Variants in ATP1A1 observed in about 807,000 individuals in gnomAD.
The protein encoded by ATP1A1 is sodium/potassium-transporting ATPase subunit alpha-1.
A neutral mutation model predicts 114.8 loss-of-function variants in ATP1A1; 14 were observed. The ratio of observed to expected loss-of-function variants is 0.12; its 90% confidence interval spans 0.08 to 0.19. The LOEUF (loss-of-function observed/expected upper bound fraction) is 0.19, where lower values mean the gene tolerates loss of function less well. Ranked by LOEUF, ATP1A1 falls within the 10% of genes least tolerant of loss-of-function variation. The pLI is 1.00. For missense variants in ATP1A1, 524 were observed against 1,290.7 expected, an observed-to-expected ratio of 0.41 and a Z score of 9.10; for synonymous variants, 471 against 466.3, an observed-to-expected ratio of 1.01 and a Z score of -0.13.
intron 12 of ATP1A1, among the ~76,000 whole-genome samples, chr1:116,394,524 T>C (rs760094295): frequency 1.3e-5 from 2 of 152,154 alleles, no homozygotes; most frequent in Admixed American, 1.3e-4. Context: ...TTAAAGATCA[T>C]TGTAACGTCA....
chr1:116,393,823 T>C lies in ATP1A1; in HGVS notation c.1660+100T>C. 1 of 1,194,140 alleles carries C rather than the reference T, an allele frequency of 8.4e-7. No homozygotes were observed. Among genetic ancestry groups the C allele is most frequent in the Non-Finnish European group, 1.2e-6 (1 of 869,042 alleles). The allele number at this position is 1,194,140 out of a possible 1,614,324, so 74.0% of individuals were successfully genotyped here. ...AGTGATCCTATGAACCTCTATGTCTTGTTGACCTTCCTCTACATCTTTTAG... is the reference window on the plus strand; with the variant it reads ...AGTGATCCTATGAACCTCTATGTCTCGTTGACCTTCCTCTACATCTTTTAG... On this transcript the variant is annotated intron_variant, in intron 12 of 22. Transcript: ENST00000295598. This position sits in a 1 kb window ranked among gnomAD's most constrained non-coding sequence, Gnocchi z 5.0.
chr1:116,375,343 C>G (rs1051273292), intron 1 of ATP1A1, among the ~76,000 whole-genome samples: 2 of 152,186 alleles, frequency 1.3e-5, no homozygotes, highest in African/African-American at 2.4e-5. Flanking sequence ...GAACTCAGAA[C>G]TTCGGATGAA....
Position 116,397,226 on chromosome 1 carries a change from T to G in ATP1A1, c.1973+492T>G, listed in dbSNP as rs989197728. ...TGAAGTAAAACAGATAATAGCAAATTGGTTTTGTTTTAAGGTTTAGGGCCC... is the reference window on the plus strand; with the variant it reads ...TGAAGTAAAACAGATAATAGCAAATGGGTTTTGTTTTAAGGTTTAGGGCCC... On this transcript the variant is annotated intron_variant, in intron 14 of 22. Transcript: ENST00000295598. The surrounding 1 kb of genome is among the most constrained non-coding windows in gnomAD (Gnocchi z 4.2). Among the ~76,000 whole-genome samples, 1 of 152,308 alleles carries G rather than the reference T, an allele frequency of 6.6e-6. No individual in the cohort carries two copies. The highest frequency in any genetic ancestry group is 2.4e-5 in the African/African-American group (1 of 41,568).
chr1:116,395,050 G>C lies in ATP1A1; in HGVS notation c.1661-60G>C. ...AGGTAGGCGGGCTGAATAGGCTGCTGTTGTCCTTCTTACTGCCCAGCGTCA... is the reference window on the plus strand; with the variant it reads ...AGGTAGGCGGGCTGAATAGGCTGCTCTTGTCCTTCTTACTGCCCAGCGTCA... On this transcript the variant is annotated intron_variant, in intron 12 of 22. Coordinates refer to ENST00000295598, the MANE Select transcript of ATP1A1 (RefSeq NM_000701.8). This position sits in a 1 kb window ranked among gnomAD's most constrained non-coding sequence, Gnocchi z 6.4. 6.4e-7 allele frequency: 1 copy of C among 1,553,110 alleles called. No homozygotes were observed. Among genetic ancestry groups the C allele is most frequent in the South Asian group, 1.2e-5 (1 of 83,046 alleles).
At chr1:116,403,257 CAT>C (rs989502963) in intron 21 of ATP1A1, among the ~76,000 whole-genome samples, 1 of 152,178 alleles carries the variant, frequency 6.6e-6, no homozygotes, top group Admixed American at 6.5e-5. Flanking sequence ...TTTCTCACAC[CAT>C]AGCAGGGAGC....
chr1:116,375,654 TTG>T (rs1471325671), intron 1 of ATP1A1, among the ~76,000 whole-genome samples: 1 of 152,174 alleles, frequency 6.6e-6, no homozygotes, highest in African/African-American at 2.4e-5. Flanking sequence ...ATTAGTTTAC[TTG>T]TGTGTGTGTT....
Position 116,400,899 on chromosome 1 carries a change from G to A in ATP1A1, c.2611G>A (p.Val871Met). Residue 871 changes from valine to methionine, a missense_variant, in exon 19 of 23, where the codon GTG (valine) becomes ATG (methionine). This residue lies in a region of ATP1A1 where 84 missense variants were observed against 209.3 expected (regional missense o/e 0.40). Transcript: ENST00000295598. ...QALGGFFTYF[V>M]ILAENGFLPI... ...CCTGGGAGGCTTCTTTACTTACTTT[G>A]TGATTCTGGCTGAGAACGGCTTCCT... 6.2e-7 allele frequency: 1 copy of A among 1,614,230 alleles called. No individual in the cohort carries two copies. Among genetic ancestry groups the A allele is most frequent in the Non-Finnish European group, 8.5e-7 (1 of 1,180,052 alleles).
Position 116,395,064 on chromosome 1 carries a change from T to C in ATP1A1, c.1661-46T>C. The stretch of plus-strand genomic sequence containing the variant: ...AATAGGCTGCTGTTGTCCTTCTTAC[T>C]GCCCAGCGTCACTGAAATTTTCAAA... On this transcript the variant is annotated intron_variant, in intron 12 of 22. Coordinates refer to ENST00000295598, the MANE Select transcript of ATP1A1 (RefSeq NM_000701.8). The surrounding 1 kb of genome is among the most constrained non-coding windows in gnomAD (Gnocchi z 6.4). 1.3e-6 allele frequency: 2 copies of C among 1,585,310 alleles called. No individual in the cohort carries two copies. The highest frequency in any genetic ancestry group is 1.7e-6 in the Non-Finnish European group (2 of 1,163,426).
Position 116,400,743 on chromosome 1 carries a change from C to G in ATP1A1, c.2573-118C>G. 1.3e-5 allele frequency: 17 copies of G among 1,269,504 alleles called. 1 individual carries two copies. Among genetic ancestry groups the G allele is most frequent in the South Asian group, 1.1e-4 (8 of 70,110 alleles). The allele number at this position is 1,269,504 out of a possible 1,614,324, so 78.6% of individuals were successfully genotyped here. A position where few individuals can be genotyped will look rare whatever the true frequency, so the allele number is the denominator to read the frequency against. On this transcript the variant is annotated intron_variant, in intron 18 of 22. Coordinates refer to ENST00000295598, the MANE Select transcript of ATP1A1 (RefSeq NM_000701.8). ...CAATTCTTTCCTGTGCTTTTATCAA[C>G]CAGGGGGAAACACTCCTCCATATGT...
rs374612297 is a variant in ATP1A1, at chr1:116,388,857, G to A, written c.637-45G>A. 7 of 1,613,086 alleles carry A rather than the reference G, an allele frequency of 4.3e-6. No individual in the cohort carries two copies. The African/African-American group carries it at 8.0e-5, about 18-fold the overall frequency. On this transcript the variant is annotated intron_variant, in intron 6 of 22. Coordinates refer to ENST00000295598, the MANE Select transcript of ATP1A1 (RefSeq NM_000701.8). The surrounding 1 kb of genome is among the most constrained non-coding windows in gnomAD (Gnocchi z 5.6). Reference sequence around the variant, plus strand: ...GAGGGGTACAGTAGCCCATGATAAGGCTGGTGTATTCACATGACATTTTTC... The same window carrying A: ...GAGGGGTACAGTAGCCCATGATAAGACTGGTGTATTCACATGACATTTTTC...
In ATP1A1 at chr1:116,387,397, G is replaced by A. The variant is rs1652173043; in HGVS notation, c.293G>A (p.Gly98Glu). The A allele has an allele frequency of 6.2e-7, 1 of 1,614,088 alleles. No individual in the cohort carries two copies. Among genetic ancestry groups the A allele is most frequent in the Non-Finnish European group, 8.5e-7 (1 of 1,180,048 alleles). ...EWIKFCRQLF[G>E]GFSMLLWIGA... ...ATCAAGTTTTGTCGGCAGCTCTTTG[G>A]GGGGTTCTCAATGTTACTGTGGATT... Residue 98 changes from glycine to glutamate, a missense_variant, in exon 4 of 23, where the codon GGG becomes GAG. Physicochemically the swap from Gly to Glu is moderately conservative, Grantham distance 98. Coordinates refer to ENST00000295598, the MANE Select transcript of ATP1A1 (RefSeq NM_000701.8). This position sits in a 1 kb window ranked among gnomAD's most constrained non-coding sequence, Gnocchi z 6.7.
At chr1:116,403,529 A>C (rs550707826) in intron 21 of ATP1A1, among the ~76,000 whole-genome samples, 1 of 152,324 alleles carries the variant, frequency 6.6e-6, no homozygotes, top group East Asian at 1.9e-4. Flanking sequence ...CTTCTTAAAC[A>C]CTTTAGAAAT....
At position 116,398,161 on chromosome 1, in the gene ATP1A1, T is replaced by C. The variant is rs1018609791; in HGVS notation, c.2124+123T>C. Reference sequence around the variant, plus strand: ...CTCGCTGTATTAGACTCAGTATAAATAGGCCAGTAGGAAGCTCATAGGCAT... The same window carrying C: ...CTCGCTGTATTAGACTCAGTATAAACAGGCCAGTAGGAAGCTCATAGGCAT... On this transcript the variant is annotated intron_variant, in intron 15 of 22. Transcript: ENST00000295598. The surrounding 1 kb of genome is among the most constrained non-coding windows in gnomAD (Gnocchi z 6.1). The C allele has an allele frequency of 2.6e-5, 34 of 1,332,782 alleles. 2 individuals carry two copies. The highest frequency in any genetic ancestry group is 5.3e-4 in the Middle Eastern group (2 of 3,758). The allele number at this position is 1,332,782 out of a possible 1,614,324, so 82.6% of individuals were successfully genotyped here. A position where few individuals can be genotyped will look rare whatever the true frequency, so the allele number is the denominator to read the frequency against.
rs1234171067 is a variant in ATP1A1, at chr1:116,393,229, G to A, written c.1467+241G>A. ...TGTGGTTTGGGGTGGGTGTGGGCAT[G>A]TGGGGAGGTGGCTGGAGGTATGTGT... On this transcript the variant is annotated intron_variant, in intron 11 of 22. Coordinates refer to ENST00000295598, the MANE Select transcript of ATP1A1 (RefSeq NM_000701.8). This position sits in a 1 kb window ranked among gnomAD's most constrained non-coding sequence, Gnocchi z 5.0. 6.6e-6 allele frequency among the ~76,000 whole-genome samples: 1 copy of A among 150,744 alleles called. No individual in the cohort carries two copies. Among genetic ancestry groups the A allele is most frequent in the East Asian group, 1.9e-4 (1 of 5,192 alleles).
Position 116,387,549 on chromosome 1 carries a change from T to G in ATP1A1, c.387+58T>G. ...GTACACATCAGATATCTTCTCCGTC[T>G]TTGTCTCCCACTTCTTCTCAATTAC... On this transcript the variant is annotated intron_variant, in intron 4 of 22. Transcript: ENST00000295598. This position sits in a 1 kb window ranked among gnomAD's most constrained non-coding sequence, Gnocchi z 6.7. 6.4e-7 allele frequency: 1 copy of G among 1,568,470 alleles called. No individual in the cohort carries two copies. Among genetic ancestry groups the G allele is most frequent in the East Asian group, 2.2e-5 (1 of 44,518 alleles).
intron 1 of ATP1A1, among the ~76,000 whole-genome samples, chr1:116,380,554 A>G (rs1383599111): frequency 1.3e-5 from 2 of 152,282 alleles, no homozygotes; most frequent in East Asian, 3.9e-4. Context: ...TAAATCTGTC[A>G]TATCTATCCC....
chr1:116,387,930 A>T lies in ATP1A1; in HGVS notation c.388-201A>T, dbSNP rs937874947. On this transcript the variant is annotated intron_variant, in intron 4 of 22. Transcript: ENST00000295598. The surrounding 1 kb of genome is among the most constrained non-coding windows in gnomAD (Gnocchi z 6.7). ...AACCTTTCCAAACGTCCAGTTAGTG[A>T]TCAAGTGTTGGTGTGCCTGACTCCA... Among the ~76,000 whole-genome samples, 7 of 152,250 alleles carry T rather than the reference A, an allele frequency of 4.6e-5. No homozygotes were observed. The highest frequency in any genetic ancestry group is 8.8e-5 in the Non-Finnish European group (6 of 68,038).
Position 116,404,350 on chromosome 1 carries a change from C to G in ATP1A1, c.3044-66C>G. 4 of 1,604,590 alleles carry G rather than the reference C, an allele frequency of 2.5e-6. No homozygotes were observed. In the East Asian group the frequency reaches 6.7e-5, roughly 27 times the overall value. ...CCGGTTGGTTTTCATCCCTGTTTCCCTCTGTAATGCTGGAGCGAGGAAGAC... is the reference window on the plus strand; with the variant it reads ...CCGGTTGGTTTTCATCCCTGTTTCCGTCTGTAATGCTGGAGCGAGGAAGAC... On this transcript the variant is annotated intron_variant, in intron 22 of 22. Transcript: ENST00000295598. This position sits in a 1 kb window ranked among gnomAD's most constrained non-coding sequence, Gnocchi z 4.8.
chr1:116,390,157 C>G, intron 8 of ATP1A1, 56 bp from the exon 9 acceptor site: 2 of 1,526,736 alleles, frequency 1.3e-6, no homozygotes, highest in Non-Finnish European at 1.8e-6. Flanking sequence ...TAGCAAGAAT[C>G]TGTATAGAAT....
Sources: gnomAD v4.1 joint callset for allele counts (sites outside exome capture counted in the v4.1 genomes callset) on GRCh38, gnomAD v4.1.1 for gene constraint, gnomAD v4.1.1 regional missense constraint, Gnocchi (gnomAD v3.1) non-coding constraint, MANE v1.5 for transcripts, NCBI Gene and HGNC (gene_info 2026-07-23, HGNC 2026-07-21) for gene names.